The following MAD1L1 variants were observed in gnomAD, a reference collection of about 807,000 sequenced individuals.
MAD1L1 encodes mitotic spindle assembly checkpoint protein MAD1.
A neutral mutation model predicts 96.9 loss-of-function variants in MAD1L1; 95 were observed. The ratio of observed to expected loss-of-function variants is 0.98; its 90% CI spans 0.83 to 1.16. MAD1L1 has a LOEUF of 1.16. MAD1L1 is among the 50% of genes most tolerant of loss of function. The pLI, the probability that MAD1L1 is intolerant of heterozygous loss-of-function variation, is 0.00. For synonymous variants in MAD1L1, 473 were observed against 396.6 expected (o/e 1.19, Z -2.29); for missense variants, 1,007 against 954.4 (o/e 1.06, Z -0.73).
At chr7:1,988,831 G>A (rs1781277150) in intron 14 of MAD1L1, among the ~76,000 whole-genome samples, 1 of 152,158 alleles carries the variant, frequency 6.6e-6, no homozygotes, top group South Asian at 2.1e-4. Flanking sequence ...CATTCTCTCT[G>A]GCCAAACCCT....
chr7:2,133,599 T>C (rs780374280), intron 11 of MAD1L1, among the ~76,000 whole-genome samples: 1 of 152,236 alleles, frequency 6.6e-6, no homozygotes, highest in Non-Finnish European at 1.5e-5. Flanking sequence ...GCCTTTGGTG[T>C]TGTACGTTAA....
At chr7:1,916,158 TGTG>T (rs1448863743) in intron 17 of MAD1L1, among the ~76,000 whole-genome samples, 1 of 152,044 alleles carries the variant, frequency 6.6e-6, no homozygotes, top group Non-Finnish European at 1.5e-5. Context: ...ACCGGGAGGG[TGTG>T]GGGCCCCTGG....
intron 12 of MAD1L1, among the ~76,000 whole-genome samples, chr7:2,067,583 C>T (rs1355157006): frequency 7.5e-6 from 1 of 132,908 alleles, no homozygotes; most frequent in Non-Finnish European, 1.5e-5. Flanking sequence ...TGCCTGAACC[C>T]CCGCAGTGGT....
intron 11 of MAD1L1, among the ~76,000 whole-genome samples, chr7:2,130,672 G>A (rs570442180): frequency 1.3e-3 from 201 of 152,322 alleles, no homozygotes; most frequent in African/African-American, 4.4e-3. Context: ...AGCTGGGAGC[G>A]TGTCCGCGAC....
intron 10 of MAD1L1, among the ~76,000 whole-genome samples, chr7:2,179,536 A>G (rs1562758007): frequency 1.3e-5 from 2 of 151,844 alleles, no homozygotes; most frequent in African/African-American, 4.8e-5. Context: ...CTCAAAAAAA[A>G]AAAAAAAAGA....
intron 14 of MAD1L1, among the ~76,000 whole-genome samples, chr7:1,986,177 CCCCCAGTAGCTCCCT>C (rs1346309109): frequency 6.6e-6 from 1 of 152,186 alleles, no homozygotes; most frequent in Non-Finnish European, 1.5e-5. Flanking sequence ...GTCCAATCAG[CCCCCAGTAGCTCCCT>C]CCGGCAGGAG....
intron 17 of MAD1L1, among the ~76,000 whole-genome samples, chr7:1,935,870 C>G (rs540720392): frequency 1.3e-5 from 2 of 152,380 alleles, no homozygotes; most frequent in Admixed American, 1.3e-4. Flanking sequence ...CCGGGTGGCT[C>G]TAACACAGGA....
At chr7:2,017,912 T>G (rs887453649) in intron 12 of MAD1L1, among the ~76,000 whole-genome samples, 2 of 152,126 alleles carry the variant, frequency 1.3e-5, no homozygotes, top group East Asian at 3.9e-4. Context: ...GGCACAGCCC[T>G]TGGGCCTGGG....
intron 11 of MAD1L1, among the ~76,000 whole-genome samples, chr7:2,076,298 G>A (rs892068308): frequency 5.9e-5 from 9 of 152,230 alleles, no homozygotes; most frequent in African/African-American, 1.9e-4. Flanking sequence ...CCCTGAGAGG[G>A]CATTCGGTCC....
Position 2,146,668 on chromosome 7 carries a change from A to G in MAD1L1, c.1073+2484T>C, listed in dbSNP as rs922449561. On this transcript the variant is annotated intron_variant, in intron 11 of 18. Coordinates refer to ENST00000265854, the MANE Select transcript of MAD1L1 (RefSeq NM_001013836.2). This position sits in a 1 kb window ranked among gnomAD's most constrained non-coding sequence, Gnocchi z 6.2. ...ACAAGCTACTTTCAATGAGAAACAA[A>G]CAAAAGTGACTTTAAAATGAGGCCC... 2.0e-5 allele frequency among the ~76,000 whole-genome samples: 3 copies of G among 152,214 alleles called. No individual in the cohort carries two copies. Among genetic ancestry groups the G allele is most frequent in the Non-Finnish European group, 4.4e-5 (3 of 68,038 alleles).
intron 16 of MAD1L1, among the ~76,000 whole-genome samples, chr7:1,945,808 C>T (rs1356146938): frequency 6.6e-6 from 1 of 152,218 alleles, no homozygotes; most frequent in Non-Finnish European, 1.5e-5. Flanking sequence ...CTGGGGGCCC[C>T]AAGGGACTCA....
intron 12 of MAD1L1, among the ~76,000 whole-genome samples, chr7:2,017,834 C>T (rs141096050): frequency 6.6e-6 from 1 of 152,252 alleles, no homozygotes; most frequent in East Asian, 1.9e-4. Context: ...GGGGGCAGGA[C>T]ACCTGGGCAG....
rs571141662 is a variant in MAD1L1 at position 1,899,155 on chromosome 7, C to T, written c.1808-765G>A. Among the ~76,000 whole-genome samples the T allele has an allele frequency of 8.5e-5, 13 of 152,324 alleles. No homozygotes were observed. In the South Asian group the frequency reaches 2.1e-3, roughly 24 times the overall value. On this transcript the variant is annotated intron_variant, in intron 17 of 18. Coordinates refer to ENST00000265854, the MANE Select transcript of MAD1L1 (RefSeq NM_001013836.2). The stretch of plus-strand genomic sequence containing the variant: ...CCCACACCCTGCCCGTCAGAGTTTA[C>T]GGCTGCTTGGGGAGGAACTGCTCTG...
intron 11 of MAD1L1, among the ~76,000 whole-genome samples, chr7:2,122,656 G>C (rs980685269): frequency 6.6e-6 from 1 of 152,008 alleles, no homozygotes; most frequent in South Asian, 2.1e-4. Flanking sequence ...GGGAGTTGAC[G>C]CTGGCCTGCT....
At chr7:2,181,289 T>G (rs1309680180) in intron 10 of MAD1L1, among the ~76,000 whole-genome samples, 1 of 152,282 alleles carries the variant, frequency 6.6e-6, no homozygotes, top group African/African-American at 2.4e-5. Context: ...TGGCTGCTGG[T>G]GCTGCCAGCT....
intron 18 of MAD1L1, among the ~76,000 whole-genome samples, chr7:1,860,891 G>C (rs963838549): frequency 6.6e-6 from 1 of 152,204 alleles, no homozygotes; most frequent in East Asian, 1.9e-4. Flanking sequence ...CTCTCCGGCA[G>C]CTCCAGCTCA....
At chr7:2,182,776 G>A (rs1027236422) in intron 10 of MAD1L1, among the ~76,000 whole-genome samples, 1 of 152,246 alleles carries the variant, frequency 6.6e-6, no homozygotes. Context: ...ACAAAGAGCA[G>A]AGGAGTGACT....
At chr7:1,952,582 G>GGAC (rs1488863091) in intron 16 of MAD1L1, among the ~76,000 whole-genome samples, 1 of 151,194 alleles carries the variant, frequency 6.6e-6, no homozygotes, top group African/African-American at 2.4e-5. Context: ...CTGGCACAGA[G>GGAC]GTGCGTGAAG....
At position 1,888,759 on chromosome 7, in the gene MAD1L1, ATG is replaced by A. The variant is rs150222994; in HGVS notation, c.1998+9439_1998+9440del. The stretch of plus-strand genomic sequence containing the variant: ...CATGGGTGGGCATGTGTGAGCATGC[ATG>A]TGTGTGTGTGGTTTCATGTGTGTGT... On this transcript the variant is annotated intron_variant, in intron 18 of 18. Transcript: ENST00000265854. 4.0e-5 allele frequency among the ~76,000 whole-genome samples: 6 copies of A among 150,780 alleles called. No homozygotes were observed. The South Asian group carries it at 6.3e-4, about 16-fold the overall frequency.
Sources: allele counts gnomAD v4.1 joint callset (sites outside exome capture counted in the v4.1 genomes callset), GRCh38; gene constraint gnomAD v4.1.1; non-coding constraint Gnocchi (gnomAD v3.1); transcripts MANE v1.5; gene names NCBI Gene and HGNC (gene_info 2026-07-23, HGNC 2026-07-21).